Variants in CSMD1 observed in about 807,000 individuals in gnomAD.
CSMD1 encodes CUB and Sushi multiple domains 1.
Under a neutral mutation model 417.5 loss-of-function variants are expected in CSMD1, and 213 were observed. That is an observed-to-expected ratio of 0.51 (90% CI 0.46 to 0.57). The LOEUF (loss-of-function observed/expected upper bound fraction) is 0.57. Among genes scored for constraint, CSMD1 ranks in the 20% least tolerant of loss-of-function variants. The pLI, the probability that CSMD1 is intolerant of heterozygous loss-of-function variation, is 0.00. For synonymous variants in CSMD1, 2,862 were observed against 1,736.8 expected, an observed-to-expected ratio of 1.65 and a Z score of -16.11; for missense variants, 6,923 against 4,529.7, an observed-to-expected ratio of 1.53 and a Z score of -15.17.
At chr8:3,925,044 T>C (rs989798671) in intron 5 of CSMD1, among the ~76,000 whole-genome samples, 1 of 152,208 alleles carries the variant, frequency 6.6e-6, no homozygotes, top group Non-Finnish European at 1.5e-5. Flanking sequence ...CTAGAGATAC[T>C]GTGGGTCTCT....
intron 3 of CSMD1, among the ~76,000 whole-genome samples, chr8:4,211,181 G>T (rs1039280277): frequency 1.3e-5 from 2 of 149,902 alleles, no homozygotes; most frequent in Non-Finnish European, 3.0e-5. Context: ...CCTTGTACAT[G>T]TATTTCAGGG....
intron 18 of CSMD1, among the ~76,000 whole-genome samples, chr8:3,372,719 C>T (rs1446384313): frequency 2.6e-5 from 4 of 152,124 alleles, no homozygotes; most frequent in Non-Finnish European, 4.4e-5. Context: ...GATACCAAAG[C>T]TCCAAGTCTG....
At chr8:3,786,705 A>G (rs980419006) in intron 5 of CSMD1, among the ~76,000 whole-genome samples, 1 of 152,306 alleles carries the variant, frequency 6.6e-6, no homozygotes, top group East Asian at 1.9e-4. Flanking sequence ...TGTATTTCTC[A>G]CTGTCTAGAG....
chr8:3,026,404 G>T (rs534136613), intron 51 of CSMD1, among the ~76,000 whole-genome samples: 1 of 151,038 alleles, frequency 6.6e-6, no homozygotes, highest in Non-Finnish European at 1.5e-5. Flanking sequence ...GCCTCACTGG[G>T]CCTGACTGGA....
At chr8:4,088,310 T>G (rs1321908812) in intron 3 of CSMD1, among the ~76,000 whole-genome samples, 1 of 152,224 alleles carries the variant, frequency 6.6e-6, no homozygotes, top group African/African-American at 2.4e-5. Flanking sequence ...CCTGCAAAGC[T>G]AGAGTTCACT....
chr8:3,207,163 T>A (rs1287135004), intron 30 of CSMD1, among the ~76,000 whole-genome samples: 1 of 69,154 alleles, frequency 1.4e-5, no homozygotes, highest in East Asian at 3.3e-4. Context: ...TTTTTTTTTT[T>A]TGAGATGGTG....
intron 2 of CSMD1, among the ~76,000 whole-genome samples, chr8:4,559,597 T>C (rs1351426645): frequency 6.6e-6 from 1 of 152,208 alleles, no homozygotes; most frequent in Non-Finnish European, 1.5e-5. Context: ...ATTACCCCAA[T>C]GTTGTATAAA....
intron 3 of CSMD1, among the ~76,000 whole-genome samples, chr8:4,188,724 A>C (rs1798832777): frequency 6.6e-6 from 1 of 152,118 alleles, no homozygotes; most frequent in Non-Finnish European, 1.5e-5. Context: ...CATAATAAAC[A>C]ATTTTTGAGT....
At chr8:4,840,554 CAG>C (rs933195638) in intron 1 of CSMD1, among the ~76,000 whole-genome samples, 31 of 152,192 alleles carry the variant, frequency 2.0e-4, no homozygotes, top group African/African-American at 7.2e-4. Context: ...ATAAACTTCC[CAG>C]AGAAAGAAAA....
intron 26 of CSMD1, among the ~76,000 whole-genome samples, chr8:3,233,849 C>T (rs1468270954): frequency 7.5e-6 from 1 of 133,186 alleles, no homozygotes; most frequent in Non-Finnish European, 1.6e-5. Flanking sequence ...CCTGGAACAA[C>T]AGAAAACCTC....
At chr8:4,176,235 AC>A (rs1798034845) in intron 3 of CSMD1, among the ~76,000 whole-genome samples, 2 of 152,208 alleles carry the variant, frequency 1.3e-5, no homozygotes, top group South Asian at 4.1e-4. Flanking sequence ...TAGCTTATGT[AC>A]GTTCTTATAT....
chr8:4,544,271 C>T (rs754463144), intron 2 of CSMD1, among the ~76,000 whole-genome samples: 1 of 152,018 alleles, frequency 6.6e-6, no homozygotes, highest in Admixed American at 6.6e-5. Context: ...GTCTATGAGC[C>T]ATTTTTAGTT....
chr8:4,296,065 TA>T (rs1219201265), intron 3 of CSMD1, among the ~76,000 whole-genome samples: 2 of 152,056 alleles, frequency 1.3e-5, no homozygotes, highest in Non-Finnish European at 2.9e-5. Flanking sequence ...AAGGAGCCCT[TA>T]AAATGATGTG....
Position 4,955,302 on chromosome 8 carries a change from T to A in CSMD1, c.85+39030A>T, listed in dbSNP as rs149916302. 5.2e-3 allele frequency among the ~76,000 whole-genome samples: 794 copies of A among 152,292 alleles called. 2 individuals are homozygous for A. Among genetic ancestry groups the A allele is most frequent in the Middle Eastern group, 0.017 (5 of 294 alleles). ...GTTGCATAAACTTGTAATTAATTTG[T>A]ATTTTAAAAACTAAGGTTATAAATA... On this transcript the variant is annotated intron_variant, in intron 1 of 69. Transcript: ENST00000635120.
At chr8:4,556,197 T>C (rs1798077842) in intron 2 of CSMD1, among the ~76,000 whole-genome samples, 1 of 152,234 alleles carries the variant, frequency 6.6e-6, no homozygotes, top group Non-Finnish European at 1.5e-5. Flanking sequence ...GACAACATTT[T>C]ATTATGGGGA....
intron 5 of CSMD1, among the ~76,000 whole-genome samples, chr8:3,755,580 TAC>T (rs1797612667): frequency 6.6e-6 from 1 of 152,174 alleles, no homozygotes; most frequent in East Asian, 1.9e-4. Flanking sequence ...ACCTGATTTC[TAC>T]ACAGACGATT....
chr8:3,712,899 A>C (rs1801610030), intron 6 of CSMD1, among the ~76,000 whole-genome samples: 1 of 152,168 alleles, frequency 6.6e-6, no homozygotes, highest in South Asian at 2.1e-4. Flanking sequence ...TCAGTTTGAC[A>C]GAAGGAATAA....
intron 3 of CSMD1, among the ~76,000 whole-genome samples, chr8:4,263,303 C>G (rs908089143): frequency 1.3e-5 from 2 of 152,086 alleles, no homozygotes; most frequent in African/African-American, 4.8e-5. Flanking sequence ...CAGATTTACT[C>G]CTCCCACCAA....
At chr8:4,439,306 C>G (rs974256546) in intron 2 of CSMD1, among the ~76,000 whole-genome samples, 1 of 152,006 alleles carries the variant, frequency 6.6e-6, no homozygotes, top group Non-Finnish European at 1.5e-5. Context: ...GCCAAAATTA[C>G]CTTGGTAATC....
Sources: allele counts gnomAD v4.1 joint callset (sites outside exome capture counted in the v4.1 genomes callset), GRCh38; gene constraint gnomAD v4.1.1; transcripts MANE v1.5; gene names NCBI Gene and HGNC (gene_info 2026-07-23, HGNC 2026-07-21).